The following ZNF469 variants were observed in gnomAD, a reference collection of about 807,000 sequenced individuals.
ZNF469 encodes the protein zinc finger protein 469.
Under a neutral mutation model 1.0 loss-of-function variants are expected in ZNF469, and 1 was observed. The ratio of observed to expected loss-of-function variants is 1.00; its 90% CI spans 0.35 to 4.73. ZNF469 has a LOEUF of 4.73. ZNF469 is among the 30% of genes most tolerant of loss of function. The pLI, the probability that ZNF469 is intolerant of heterozygous loss-of-function variation, is 0.16. For synonymous variants in ZNF469, 2,703 were observed against 2,363.4 expected (o/e 1.14, Z -4.17); for missense variants, 6,100 against 5,356.3 (o/e 1.14, Z -4.33).
At chr16:88,417,546 G>A (rs994743136) in intron 1 of ZNF469, among the ~76,000 whole-genome samples, 2 of 152,130 alleles carry the variant, frequency 1.3e-5, no homozygotes, top group East Asian at 1.9e-4. Flanking sequence ...TCCAGTCCCC[G>A]CAAGCCAGAT....
the ZNF469 span, among the ~76,000 whole-genome samples, chr16:88,276,286 A>G: frequency 1.3e-5 from 2 of 151,998 alleles, no homozygotes; most frequent in African/African-American, 4.8e-5. Flanking sequence ...CTCGCTGGAT[A>G]TGGAGTGGGG....
At chr16:88,107,905 C>T in the ZNF469 span, among the ~76,000 whole-genome samples, 3 of 152,252 alleles carry the variant, frequency 2.0e-5, no homozygotes, top group Non-Finnish European at 2.9e-5. Flanking sequence ...TTTGTGATGT[C>T]ATGGCAGCCC....
At chr16:88,246,429 G>A in the ZNF469 span, among the ~76,000 whole-genome samples, 1 of 152,190 alleles carries the variant, frequency 6.6e-6, no homozygotes, top group African/African-American at 2.4e-5. Flanking sequence ...AGCCAAGTAA[G>A]GATTCCCAGA....
At chr16:88,367,988 C>T in the ZNF469 span, among the ~76,000 whole-genome samples, 3 of 152,332 alleles carry the variant, frequency 2.0e-5, no homozygotes, top group Admixed American at 6.5e-5. Flanking sequence ...AAAGCACGCC[C>T]GATCTCAACT....
chr16:88,195,606 G>A, the ZNF469 span, among the ~76,000 whole-genome samples: 18 of 152,264 alleles, frequency 1.2e-4, no homozygotes, highest in African/African-American at 3.4e-4. Flanking sequence ...CTGTCATATC[G>A]TCAGACTCAG....
Position 88,427,678 on chromosome 16 carries a change from G to A in ZNF469, c.208G>A (p.Asp70Asn). 1 of 1,534,226 alleles carries A rather than the reference G, an allele frequency of 6.5e-7. No individual in the cohort carries two copies. Among genetic ancestry groups the A allele is most frequent in the South Asian group, 1.2e-5 (1 of 83,774 alleles). Residue 70 changes from aspartate to asparagine, a missense_variant, in exon 3 of 3, where the codon GAC (aspartate) becomes AAC (asparagine). Physicochemically the swap from Asp to Asn is conservative, Grantham distance 23. Coordinates refer to ENST00000565624, the MANE Select transcript of ZNF469 (RefSeq NM_001367624.2). ...CGAGGCCCAGCCAAGGCAGGCCAGG[G>A]ACGGGGAGCTCAAGCCCCCATCCCT... is the stretch of plus-strand genomic sequence containing the variant. ...LPEAQPRQAR[D>N]GELKPPSLRG...
intron 1 of ZNF469, among the ~76,000 whole-genome samples, chr16:88,399,129 G>C (rs1428870572): frequency 1.3e-5 from 2 of 152,218 alleles, no homozygotes; most frequent in African/African-American, 4.8e-5. Flanking sequence ...GCCACCCAGG[G>C]GCTGCATGTG....
At chr16:88,237,211 AGT>A in the ZNF469 span, among the ~76,000 whole-genome samples, 9 of 21,928 alleles carry the variant, frequency 4.1e-4, 1 homozygote, top group African/African-American at 7.4e-4. Context: ...TGCTCCTGCC[AGT>A]CACCCTCCCT....
In ZNF469 at chr16:88,437,808, G is replaced by T; in HGVS notation, c.10338G>T (p.Gln3446His). 1.3e-6 allele frequency: 2 copies of T among 1,544,604 alleles called. No individual in the cohort carries two copies. Among genetic ancestry groups the T allele is most frequent in the African/African-American group, 2.7e-5 (2 of 73,020 alleles). ...ACAAGCACCTCAGGGGGGGGCGGCA[G>T]CCCTTCGCGTTCCGCGGCGTGCGGA... is the stretch of plus-strand genomic sequence containing the variant. ...HMNKHLRGGRQPFAFRGVRRP... is the reference protein window; with the variant it reads ...HMNKHLRGGRHPFAFRGVRRP... Residue 3446 changes from glutamine (Q) to histidine (H), a missense_variant, in exon 3 of 3, where the codon CAG becomes CAT. Transcript: ENST00000565624.
Position 88,429,789 on chromosome 16 carries a change from C to G in ZNF469, c.2319C>G (p.Leu773=). 1.2e-5 allele frequency: 18 copies of G among 1,544,492 alleles called. No individual in the cohort carries two copies. Among genetic ancestry groups the G allele is most frequent in the Non-Finnish European group, 1.6e-5 (18 of 1,144,268 alleles). The change falls in exon 3 of 3, where the codon CTC becomes CTG. Residue 773 remains leucine (L), a synonymous_variant. Coordinates refer to ENST00000565624, the MANE Select transcript of ZNF469 (RefSeq NM_001367624.2). ...GHQRSPGPPG[L]PSPPAAPRVP... is the part of the protein sequence containing the mutation. ...AGCGGTCTCCAGGCCCCCCTGGGCT[C>G]CCCTCGCCCCCCGCTGCCCCCAGAG...
the ZNF469 span, among the ~76,000 whole-genome samples, chr16:88,370,175 G>T: frequency 1.3e-5 from 2 of 152,182 alleles, no homozygotes; most frequent in Non-Finnish European, 2.9e-5. Flanking sequence ...GAGTGCAGAC[G>T]TCTCTTATAA....
Position 88,430,576 on chromosome 16 carries a change from C to T in ZNF469, c.3106C>T (p.Pro1036Ser). ...CCGCCGGCTGCCCCCCAGGAAGGAC[C>T]CCAGGAAGAGGAAGGCTCGGGGCGG... is the stretch of plus-strand genomic sequence containing the variant. ...RRRRLPPRKDPRKRKARGGAW... is the reference protein window; with the variant it reads ...RRRRLPPRKDSRKRKARGGAW... Residue 1036 changes from proline to serine, a missense_variant, in exon 3 of 3, where the codon CCC (proline) becomes TCC (serine). By Grantham distance (74) the Pro-to-Ser change is moderately conservative. Coordinates refer to ENST00000565624, the MANE Select transcript of ZNF469 (RefSeq NM_001367624.2). The T allele has an allele frequency of 2.0e-6, 3 of 1,498,674 alleles. No individual in the cohort carries two copies. The highest frequency in any genetic ancestry group is 2.7e-6 in the Non-Finnish European group (3 of 1,130,796). 92.8% of individuals were successfully genotyped at this position (1,498,674 alleles called of 1,614,324 possible). A position where few individuals can be genotyped will look rare whatever the true frequency, so the allele number is the denominator to read the frequency against.
chr16:88,166,718 C>G, the ZNF469 span, among the ~76,000 whole-genome samples: 3 of 151,128 alleles, frequency 2.0e-5, no homozygotes, highest in Non-Finnish European at 1.5e-5. The surrounding 1 kb of genome is among the most constrained non-coding windows in gnomAD (Gnocchi z 4.5). Context: ...GTTTCAGAAC[C>G]GATATGCCTT....
At chr16:88,115,471 G>A in the ZNF469 span, among the ~76,000 whole-genome samples, 1 of 151,868 alleles carries the variant, frequency 6.6e-6, no homozygotes, top group Non-Finnish European at 1.5e-5. Context: ...CACATGACCC[G>A]GTCCCCTCCC....
upstream of ZNF469, among the ~76,000 whole-genome samples, chr16:88,377,984 G>A (rs771311765): frequency 7.9e-5 from 12 of 152,102 alleles, no homozygotes; most frequent in East Asian, 3.9e-4. Context: ...ACCCAGGGAC[G>A]GACACCTGCA....
chr16:88,430,591 G>A lies in ZNF469; in HGVS notation c.3121G>A (p.Ala1041Thr), dbSNP rs191396489. ...CAGGAAGGACCCCAGGAAGAGGAAGGCTCGGGGCGGCGCCTGGGGCAAGGA... is the reference window on the plus strand; with the variant it reads ...CAGGAAGGACCCCAGGAAGAGGAAGACTCGGGGCGGCGCCTGGGGCAAGGA... ...PPRKDPRKRKARGGAWGKELI... is the reference protein window; with the variant it reads ...PPRKDPRKRKTRGGAWGKELI... Residue 1041 changes from alanine to threonine, a missense_variant, in exon 3 of 3, where the codon GCT (alanine) becomes ACT (threonine). By Grantham distance (58) the Ala-to-Thr change is moderately conservative. Transcript: ENST00000565624. The A allele has an allele frequency of 1.6e-4, 241 of 1,503,082 alleles. No individual in the cohort carries two copies. The African/African-American group carries it at 3.0e-3, about 19-fold the overall frequency. The allele number at this position is 1,503,082 out of a possible 1,614,324, so 93.1% of individuals were successfully genotyped here.
the ZNF469 span, among the ~76,000 whole-genome samples, chr16:88,251,538 C>T: frequency 0.12 from 6,322 of 51,278 alleles, 787 homozygotes; most frequent in Non-Finnish European, 0.16. Flanking sequence ...TCCCTGCTGT[C>T]TTTTTTTTTT....
At chr16:88,230,516 C>T in the ZNF469 span, among the ~76,000 whole-genome samples, 1 of 151,204 alleles carries the variant, frequency 6.6e-6, no homozygotes, top group Non-Finnish European at 1.5e-5. Flanking sequence ...GTGGAACGCA[C>T]CAAGGAGTGG....
chr16:88,151,245 A>G, the ZNF469 span, among the ~76,000 whole-genome samples: 1 of 152,222 alleles, frequency 6.6e-6, no homozygotes, highest in Non-Finnish European at 1.5e-5. The surrounding 1 kb of genome is among the most constrained non-coding windows in gnomAD (Gnocchi z 5.4). Context: ...GGCTTCATCC[A>G]GGCCTCGACT....
Sources: allele counts gnomAD v4.1 joint callset (sites outside exome capture counted in the v4.1 genomes callset), GRCh38; gene constraint gnomAD v4.1.1; non-coding constraint Gnocchi (gnomAD v3.1); transcripts MANE v1.5; gene names NCBI Gene and HGNC (gene_info 2026-07-23, HGNC 2026-07-21).